Variants in RPL14 observed in about 807,000 individuals in gnomAD.
RPL14 encodes large ribosomal subunit protein eL14.
Under a neutral mutation model 25.3 loss-of-function variants are expected in RPL14, and 4 were observed. The ratio of observed to expected loss-of-function variants is 0.16; its 90% CI spans 0.08 to 0.36. The LOEUF (loss-of-function observed/expected upper bound fraction) is 0.36, where lower values mean the gene tolerates loss of function less well. Ranked by LOEUF, RPL14 falls within the 10% of genes least tolerant of loss-of-function variation. The pLI is 1.00. For synonymous variants in RPL14, 75 were observed against 89.8 expected (o/e 0.84, Z 0.93); for missense variants, 212 against 261.9 (o/e 0.81, Z 1.31).
In RPL14 at chr3:40,464,316, T is replaced by G. The variant is rs1040474605; in HGVS notation, c.*2084T>G. The G allele has an allele frequency of 5.5e-6, 2 of 365,534 alleles. No homozygotes were observed. Among genetic ancestry groups the G allele is most frequent in the Non-Finnish European group, 1.1e-5 (2 of 183,990 alleles). The allele number at this position is 365,534 out of a possible 1,614,324, so 22.6% of individuals were successfully genotyped here. ...ACCAAAAGCTAGCTTCAGGCGTCAC[T>G]GGGGTAAAGGAAAAAGCACATTGAT... is the stretch of plus-strand genomic sequence containing the variant. On this transcript the variant is annotated 3_prime_UTR_variant, in exon 6 of 6. Coordinates refer to ENST00000396203, the MANE Select transcript of RPL14 (RefSeq NM_001034996.3).
intron 1 of RPL14, 42 bp downstream of exon 1, chr3:40,457,516 T>G: frequency 2.1e-6 from 3 of 1,432,158 alleles, no homozygotes; most frequent in Non-Finnish European, 2.9e-6. Context: ...ATCGGGCCCT[T>G]CCCGGACTCG....
intron 3 of RPL14, 49 bp downstream of exon 3, chr3:40,458,785 G>A: frequency 6.8e-7 from 1 of 1,480,292 alleles, no homozygotes; most frequent in Non-Finnish European, 9.4e-7. Context: ...ATTTGTTTAT[G>A]CTAGTAAAAG....
chr3:40,461,188 C>T (rs1696931291), intron 3 of RPL14, among the ~76,000 whole-genome samples: 1 of 150,424 alleles, frequency 6.6e-6, no homozygotes, highest in Non-Finnish European at 1.5e-5. Context: ...AAGCAAGATC[C>T]TCTCTCAAAA....
intron 2 of RPL14, 123 bp from the exon 3 acceptor site, chr3:40,458,519 C>CA (rs1394705641): frequency 2.8e-6 from 2 of 702,354 alleles, no homozygotes; most frequent in Non-Finnish European, 4.9e-6. Context: ...CTTTTCTGAG[C>CA]AATTTATTAA....
chr3:40,458,543 G>C, intron 2 of RPL14, 99 bp from the exon 3 acceptor site: 1 of 854,244 alleles, frequency 1.2e-6, no homozygotes, highest in Admixed American at 2.1e-5. Flanking sequence ...AGTAGTGTGG[G>C]TTTGATGGCC....
rs1697012651 is a variant in RPL14, at chr3:40,465,261, A to C, written c.*3029A>C. On this transcript the variant is annotated 3_prime_UTR_variant, in exon 6 of 6. Transcript: ENST00000396203. Reference sequence around the variant, plus strand: ...AAAGAATTTTGCTTGAGATCGTCAAAGTGAGGGGAAGAGGGTAGTAAGCAA... The same window carrying C: ...AAAGAATTTTGCTTGAGATCGTCAACGTGAGGGGAAGAGGGTAGTAAGCAA... The C allele has an allele frequency of 6.6e-6, 1 of 152,188 alleles. No homozygotes were observed. Among genetic ancestry groups the C allele is most frequent in the African/African-American group, 2.4e-5 (1 of 41,432 alleles). The allele number at this position is 152,188 out of a possible 1,614,324, so 9.4% of individuals were successfully genotyped here. A position where few individuals can be genotyped will look rare whatever the true frequency, so the allele number is the denominator to read the frequency against.
rs1697007675 is a variant in RPL14 at position 40,464,979 on chromosome 3, G to A, written c.*2747G>A. ...GAAAGCTATGTAGTTTAGGCACATA[G>A]TCAAAATCCAGTTTCCTCATCTATG... is the stretch of plus-strand genomic sequence containing the variant. On this transcript the variant is annotated 3_prime_UTR_variant, in exon 6 of 6. Coordinates refer to ENST00000396203, the MANE Select transcript of RPL14 (RefSeq NM_001034996.3). 6.1e-6 allele frequency: 1 copy of A among 164,808 alleles called. No individual in the cohort carries two copies. Among genetic ancestry groups the A allele is most frequent in the African/African-American group, 2.4e-5 (1 of 41,818 alleles). 10.2% of individuals were successfully genotyped at this position (164,808 alleles called of 1,614,324 possible).
chr3:40,465,560 C>T lies in RPL14; in HGVS notation c.*3328C>T, dbSNP rs1304204254. The T allele has an allele frequency of 1.3e-5, 2 of 152,284 alleles. No homozygotes were observed. The highest frequency in any genetic ancestry group is 1.9e-4 in the East Asian group (1 of 5,186). The allele number at this position is 152,284 out of a possible 1,614,324, so 9.4% of individuals were successfully genotyped here. On this transcript the variant is annotated 3_prime_UTR_variant, in exon 6 of 6. Coordinates refer to ENST00000396203, the MANE Select transcript of RPL14 (RefSeq NM_001034996.3). The stretch of plus-strand genomic sequence containing the variant: ...CTTTTCACCTTTATCTCTGAAATTT[C>T]TCTGGAGTTAGCAAGGCAAGGTCAT...
intron 3 of RPL14, among the ~76,000 whole-genome samples, chr3:40,459,769 G>A (rs530997491): frequency 1.8e-3 from 273 of 148,268 alleles, no homozygotes; most frequent in African/African-American, 6.3e-3. Flanking sequence ...TGAGGCAGGA[G>A]AATGGCGTGA....
In RPL14 at chr3:40,467,591, A is replaced by G. The variant is rs552194795; in HGVS notation, c.*5359A>G. The G allele has an allele frequency of 3.9e-5, 6 of 152,390 alleles. No individual in the cohort carries two copies. Among genetic ancestry groups the G allele is most frequent in the East Asian group, 1.9e-4 (1 of 5,194 alleles). The allele number at this position is 152,390 out of a possible 1,614,324, so 9.4% of individuals were successfully genotyped here. A position where few individuals can be genotyped will look rare whatever the true frequency, so the allele number is the denominator to read the frequency against. ...ACTCAGTCTACCCATTCAAATGCCA[A>G]TCTCTTCCAGAGGTAATCTCACAGA... On this transcript the variant is annotated 3_prime_UTR_variant, in exon 6 of 6. Transcript: ENST00000396203.
At chr3:40,457,710 T>A (rs1465967203) in intron 1 of RPL14, 180 bp from the exon 2 acceptor site, 4 of 677,478 alleles carry the variant, frequency 5.9e-6, no homozygotes, top group African/African-American at 3.6e-5. Flanking sequence ...GGAACCGGGC[T>A]TAAGCTACTG....
chr3:40,457,778 C>T (rs964974539), intron 1 of RPL14, 112 bp from the exon 2 acceptor site: 1 of 1,085,360 alleles, frequency 9.2e-7, no homozygotes, highest in South Asian at 1.3e-5. Context: ...CGTTTGTTCC[C>T]TGCAGCATTC....
rs1399248797 is a variant in RPL14, at chr3:40,465,687, T to C, written c.*3455T>C. On this transcript the variant is annotated 3_prime_UTR_variant, in exon 6 of 6. Transcript: ENST00000396203. Reference sequence around the variant, plus strand: ...GCACTTTTGTCAGACTGCCTGTGGCTTTGAGAGCCCTTTGGCTACAGTCCA... The same window carrying C: ...GCACTTTTGTCAGACTGCCTGTGGCCTTGAGAGCCCTTTGGCTACAGTCCA... 1 of 152,158 alleles carries C rather than the reference T, an allele frequency of 6.6e-6. No homozygotes were observed. The highest frequency in any genetic ancestry group is 6.6e-5 in the Admixed American group (1 of 15,264). The allele number at this position is 152,158 out of a possible 1,614,324, so 9.4% of individuals were successfully genotyped here.
intron 2 of RPL14, 82 bp from the exon 3 acceptor site, chr3:40,458,560 G>T: frequency 9.4e-7 from 1 of 1,061,942 alleles, no homozygotes; most frequent in Non-Finnish European, 1.5e-6. Flanking sequence ...GGCCCTGAAC[G>T]GATAAGTAAT....
Position 40,465,486 on chromosome 3 carries a change from G to A in RPL14, c.*3254G>A, listed in dbSNP as rs1186300890. 6.6e-6 allele frequency: 1 copy of A among 152,148 alleles called. No homozygotes were observed. Among genetic ancestry groups the A allele is most frequent in the Non-Finnish European group, 1.5e-5 (1 of 68,046 alleles). The allele number at this position is 152,148 out of a possible 1,614,324, so 9.4% of individuals were successfully genotyped here. On this transcript the variant is annotated 3_prime_UTR_variant, in exon 6 of 6. Transcript: ENST00000396203. ...CTTTACGTGAGGAAAAGGAAGAAAA[G>A]GTGGGTTTAGATACTAAATCTGTAG... is the stretch of plus-strand genomic sequence containing the variant.
At chr3:40,458,272 C>G in intron 2 of RPL14, 1 of 535,804 alleles carries the variant, frequency 1.9e-6, no homozygotes, top group Non-Finnish European at 3.3e-6. Flanking sequence ...AGAACAGATC[C>G]AGCACGTAGA....
chr3:40,457,833 A>G lies in RPL14; in HGVS notation c.4-57A>G. 2.8e-6 allele frequency: 4 copies of G among 1,433,136 alleles called. No homozygotes were observed. The Admixed American group carries it at 5.0e-5, about 18-fold the overall frequency. The allele number at this position is 1,433,136 out of a possible 1,614,324, so 88.8% of individuals were successfully genotyped here. On this transcript the variant is annotated intron_variant, in intron 1 of 5. Coordinates refer to ENST00000396203, the MANE Select transcript of RPL14 (RefSeq NM_001034996.3). ...ATGTTGTCTTTAGCTGCAGAAGGTG[A>G]CATATGTAGCGAGTATTTCTAAGTA...
At position 40,463,238 on chromosome 3, in the gene RPL14, A is replaced by C. The variant is rs1009903710; in HGVS notation, c.*1006A>C. 1 of 150,738 alleles carries C rather than the reference A, an allele frequency of 6.6e-6. No individual in the cohort carries two copies. The highest frequency in any genetic ancestry group is 1.5e-5 in the Non-Finnish European group (1 of 67,792). 9.3% of individuals were successfully genotyped at this position (150,738 alleles called of 1,614,324 possible). A position where few individuals can be genotyped will look rare whatever the true frequency, so the allele number is the denominator to read the frequency against. ...TTTGTTTTTTTGAGACAGAGTCTTG[A>C]TCTTATCACCCAGGCTGGAGTGCAG... On this transcript the variant is annotated 3_prime_UTR_variant, in exon 6 of 6. Coordinates refer to ENST00000396203, the MANE Select transcript of RPL14 (RefSeq NM_001034996.3).
Position 40,457,352 on chromosome 3 carries a change from G to A in RPL14, c.-120G>A, listed in dbSNP as rs1382619766. ...CGGGTCTTCTTCCTTCTCGCCTAACGCCGCCAACATGGTGAGTCTTACTGT... is the reference window on the plus strand; with the variant it reads ...CGGGTCTTCTTCCTTCTCGCCTAACACCGCCAACATGGTGAGTCTTACTGT... On this transcript the variant is annotated 5_prime_UTR_variant, in exon 1 of 6. Transcript: ENST00000396203. 6.2e-7 allele frequency: 1 copy of A among 1,605,376 alleles called. No individual in the cohort carries two copies. The highest frequency in any genetic ancestry group is 8.5e-7 in the Non-Finnish European group (1 of 1,175,778).
Sources: allele counts gnomAD v4.1 joint callset (sites outside exome capture counted in the v4.1 genomes callset), GRCh38; gene constraint gnomAD v4.1.1; transcripts MANE v1.5; gene names NCBI Gene and HGNC (gene_info 2026-07-23, HGNC 2026-07-21).